SLC35F4: variants seen among roughly 807,000 people sequenced by gnomAD.
SLC35F4 encodes the protein chromosome 14 open reading frame 36.
SLC35F4 carries 24 observed loss-of-function variants against 44.2 expected under a neutral mutation model. The observed-to-expected ratio is 0.54, with a 90% CI of 0.39 to 0.76. The LOEUF is 0.76. Ranked by LOEUF, SLC35F4 falls within the 30% of genes least tolerant of loss-of-function variation. SLC35F4 has a pLI of 0.00. For synonymous variants in SLC35F4, 238 were observed against 223.6 expected (o/e 1.06, Z -0.57); for missense variants, 562 against 586.1 (o/e 0.96, Z 0.42).
intron 1 of SLC35F4, among the ~76,000 whole-genome samples, chr14:57,692,905 A>G (rs2075275403): frequency 6.6e-6 from 1 of 152,200 alleles, no homozygotes; most frequent in Non-Finnish European, 1.5e-5. Context: ...ACTGAAATGT[A>G]CACAAGTCCA....
At chr14:57,677,768 A>G (rs967107576) in intron 1 of SLC35F4, among the ~76,000 whole-genome samples, 1 of 151,886 alleles carries the variant, frequency 6.6e-6, no homozygotes, top group African/African-American at 2.4e-5. Context: ...AGTACAATAT[A>G]TCTGATAGTT....
At chr14:57,619,801 G>A (rs1248526692) in intron 1 of SLC35F4, among the ~76,000 whole-genome samples, 1 of 152,066 alleles carries the variant, frequency 6.6e-6, no homozygotes, top group East Asian at 1.9e-4. Flanking sequence ...CTGAAAAAAG[G>A]TTAGGCAAAT....
intron 1 of SLC35F4, among the ~76,000 whole-genome samples, chr14:57,748,750 C>T (rs537076239): frequency 3.7e-4 from 56 of 152,098 alleles, no homozygotes; most frequent in South Asian, 8.3e-4. Flanking sequence ...GAATCTAGTC[C>T]AAGCTCAAAT....
chr14:57,669,570 CTGCATCTATTGAGATAATCA>C (rs2074441154), intron 1 of SLC35F4, among the ~76,000 whole-genome samples: 1 of 152,088 alleles, frequency 6.6e-6, no homozygotes, highest in Non-Finnish European at 1.5e-5. Context: ...AAGGCCTTTT[CTGCATCTATTGAGATAATCA>C]TGCGGTTTTT....
chr14:57,569,172 T>C (rs2068356071), intron 6 of SLC35F4, among the ~76,000 whole-genome samples: 1 of 152,200 alleles, frequency 6.6e-6, no homozygotes, highest in Non-Finnish European at 1.5e-5. Context: ...CTCTATATAC[T>C]GGCAATGTCT....
At chr14:57,788,707 T>C (rs763025545) in intron 1 of SLC35F4, among the ~76,000 whole-genome samples, 13 of 152,166 alleles carry the variant, frequency 8.5e-5, no homozygotes, top group East Asian at 1.9e-4. Context: ...ATCAACAGAA[T>C]AGACATTCTT....
intron 1 of SLC35F4, among the ~76,000 whole-genome samples, chr14:57,703,339 C>G (rs769455572): frequency 1.3e-5 from 2 of 152,184 alleles, no homozygotes; most frequent in Admixed American, 6.5e-5. Flanking sequence ...ACTACTTACC[C>G]TGGACAAATG....
intron 2 of SLC35F4, among the ~76,000 whole-genome samples, chr14:57,590,252 G>A (rs1428820643): frequency 6.8e-6 from 1 of 146,770 alleles, no homozygotes; most frequent in African/African-American, 2.5e-5. Flanking sequence ...AATTAGCCGT[G>A]GGAGGTGGCA....
intron 1 of SLC35F4, among the ~76,000 whole-genome samples, chr14:57,639,036 T>A (rs1020152258): frequency 1.3e-5 from 2 of 152,126 alleles, no homozygotes; most frequent in African/African-American, 4.8e-5. Context: ...CTGTGCCCAA[T>A]TTGACTTAGG....
intron 1 of SLC35F4, among the ~76,000 whole-genome samples, chr14:57,846,111 G>A (rs6573174): frequency 0.38 from 57,364 of 151,638 alleles, 12,751 homozygotes; most frequent in East Asian, 0.72. Context: ...AAAGGAAGGG[G>A]AAAAAAACAC....
At chr14:57,732,515 T>G (rs965144053) in intron 1 of SLC35F4, among the ~76,000 whole-genome samples, 1 of 152,160 alleles carries the variant, frequency 6.6e-6, no homozygotes, top group Non-Finnish European at 1.5e-5. Context: ...TATATGTCAA[T>G]TTATCATCAT....
At chr14:57,829,616 C>T (rs1182439010) in intron 1 of SLC35F4, among the ~76,000 whole-genome samples, 2 of 152,128 alleles carry the variant, frequency 1.3e-5, no homozygotes, top group Non-Finnish European at 2.9e-5. Context: ...ACAGCCCTGG[C>T]ACCAGGCTCA....
At chr14:57,938,136 G>A (rs940433925) in intron 1 of SLC35F4, among the ~76,000 whole-genome samples, 2 of 152,110 alleles carry the variant, frequency 1.3e-5, no homozygotes, top group Non-Finnish European at 2.9e-5. Context: ...AACCTAAGGA[G>A]ACATGAATAA....
At chr14:57,884,533 G>C (rs1036332321) in intron 1 of SLC35F4, among the ~76,000 whole-genome samples, 1 of 152,032 alleles carries the variant, frequency 6.6e-6, no homozygotes, top group African/African-American at 2.4e-5. Context: ...TATGAGTTTT[G>C]TTAAAATACA....
At chr14:57,794,535 C>G (rs1030638920) in intron 1 of SLC35F4, among the ~76,000 whole-genome samples, 1 of 152,052 alleles carries the variant, frequency 6.6e-6, no homozygotes, top group African/African-American at 2.4e-5. Context: ...ATTAACAAGT[C>G]AAAAATTAAT....
At chr14:57,792,026 T>A (rs1332793410) in intron 1 of SLC35F4, among the ~76,000 whole-genome samples, 1 of 151,798 alleles carries the variant, frequency 6.6e-6, no homozygotes, top group Non-Finnish European at 1.5e-5. Flanking sequence ...GACGGGTTGA[T>A]GGGGGCAGCA....
chr14:57,621,538 G>A (rs1001388235), intron 1 of SLC35F4, among the ~76,000 whole-genome samples: 7 of 152,094 alleles, frequency 4.6e-5, no homozygotes, highest in African/African-American at 1.4e-4. Context: ...TCTGATCTTT[G>A]ACAAACCTGA....
chr14:57,624,700 ATATG>A (rs2072380603), intron 1 of SLC35F4, among the ~76,000 whole-genome samples: 3 of 152,248 alleles, frequency 2.0e-5, no homozygotes, highest in Non-Finnish European at 2.9e-5. Flanking sequence ...CCAATGACAA[ATATG>A]ACATGATTAT....
intron 1 of SLC35F4, among the ~76,000 whole-genome samples, chr14:57,698,444 A>G (rs563719472): frequency 6.6e-6 from 1 of 152,250 alleles, no homozygotes; most frequent in Non-Finnish European, 1.5e-5. Flanking sequence ...TTGTTTTTTA[A>G]TTCATTTACC....
Sources: allele counts gnomAD v4.1 joint callset (sites outside exome capture counted in the v4.1 genomes callset), GRCh38; gene constraint gnomAD v4.1.1; transcripts MANE v1.5; gene names NCBI Gene and HGNC (gene_info 2026-07-23, HGNC 2026-07-21).